Variants in LPCAT2 observed in about 807,000 individuals in gnomAD.
LPCAT2 encodes lysophosphatidylcholine acyltransferase 2.
A neutral mutation model predicts 64.7 loss-of-function variants in LPCAT2; 58 were observed. The observed-to-expected ratio is 0.90, with a 90% CI of 0.73 to 1.12. LPCAT2 has a LOEUF of 1.12. Ranked by LOEUF, LPCAT2 falls within the 50% of genes most tolerant of loss-of-function variation. The pLI, the probability that LPCAT2 is intolerant of heterozygous loss-of-function variation, is 0.00. For synonymous variants in LPCAT2, 252 were observed against 245.3 expected, an observed-to-expected ratio of 1.03 and a Z score of -0.26; for missense variants, 579 against 669.8, an observed-to-expected ratio of 0.86 and a Z score of 1.50.
At chr16:55,513,427 A>G (rs772806945) in intron 1 of LPCAT2, among the ~76,000 whole-genome samples, 1 of 152,174 alleles carries the variant, frequency 6.6e-6, no homozygotes, top group Non-Finnish European at 1.5e-5. Flanking sequence ...CAGTCTAAAA[A>G]GCAGAATGAA....
At chr16:55,559,318 G>A (rs1963609557) in intron 11 of LPCAT2, among the ~76,000 whole-genome samples, 1 of 152,182 alleles carries the variant, frequency 6.6e-6, no homozygotes, top group Non-Finnish European at 1.5e-5. Context: ...AAAAGTTTGT[G>A]TATACTTTAG....
chr16:55,567,994 T>A (rs1486899014), intron 11 of LPCAT2, among the ~76,000 whole-genome samples: 1 of 152,138 alleles, frequency 6.6e-6, no homozygotes, highest in African/African-American at 2.4e-5. Context: ...TCCCATTATG[T>A]AAAAAAATGA....
chr16:55,560,933 T>C (rs1163137443), intron 11 of LPCAT2, among the ~76,000 whole-genome samples: 1 of 152,078 alleles, frequency 6.6e-6, no homozygotes, highest in East Asian at 1.9e-4. Context: ...AACATTCCCA[T>C]CACCCCAGTA....
chr16:55,540,517 A>T (rs1188085244), intron 8 of LPCAT2: 5 of 152,214 alleles, frequency 3.3e-5, no homozygotes, highest in African/African-American at 4.8e-5. Context: ...CATGAGAGAG[A>T]ATACATGCTA....
intron 2 of LPCAT2, among the ~76,000 whole-genome samples, chr16:55,526,954 T>C (rs1021497675): frequency 2.0e-5 from 3 of 152,044 alleles, no homozygotes; most frequent in African/African-American, 7.2e-5. Context: ...GCTCAGAATA[T>C]GGGATAAATA....
intron 10 of LPCAT2, among the ~76,000 whole-genome samples, chr16:55,550,242 T>A (rs1423110478): frequency 6.6e-6 from 1 of 152,222 alleles, no homozygotes; most frequent in Non-Finnish European, 1.5e-5. Flanking sequence ...ATATGTTAGG[T>A]CATTAGTTTA....
At chr16:55,567,594 C>T in intron 11 of LPCAT2, 1 of 1,293,256 alleles carries the variant, frequency 7.7e-7, no homozygotes, top group Non-Finnish European at 1.1e-6. Flanking sequence ...TGTGCAACAG[C>T]TCTCATTTCC....
intron 7 of LPCAT2, among the ~76,000 whole-genome samples, chr16:55,535,500 G>T (rs549556869): frequency 4.1e-4 from 62 of 152,118 alleles, no homozygotes; most frequent in Non-Finnish European, 6.6e-4. Context: ...GATAATTGAA[G>T]ATACACAAAT....
chr16:55,574,641 G>T lies in LPCAT2; in HGVS notation c.1226G>T (p.Gly409Val). ...LFALFDRNHDGSIDFREYVIG... is the reference protein window; with the variant it reads ...LFALFDRNHDVSIDFREYVIG... ...CCCATCCTTTCACAGAACCATGATGGCAGCATTGACTTCCGAGAGTATGTG... is the reference window on the plus strand; with the variant it reads ...CCCATCCTTTCACAGAACCATGATGTCAGCATTGACTTCCGAGAGTATGTG... The change falls in exon 12 of 14, where the codon GGC becomes GTC. Residue 409 changes from glycine (G) to valine (V), a missense_variant. By Grantham distance (109) the Gly-to-Val change is moderately radical. Coordinates refer to ENST00000262134, the MANE Select transcript of LPCAT2 (RefSeq NM_017839.5). 1 of 1,612,346 alleles carries T rather than the reference G, an allele frequency of 6.2e-7. No homozygotes were observed. Among genetic ancestry groups the T allele is most frequent in the Non-Finnish European group, 8.5e-7 (1 of 1,178,630 alleles).
In LPCAT2 at chr16:55,583,081, G is replaced by A. The variant is rs560274666; in HGVS notation, c.1618G>A (p.Asp540Asn). The A allele has an allele frequency of 1.2e-5, 19 of 1,610,142 alleles. No homozygotes were observed. The highest frequency in any genetic ancestry group is 1.6e-5 in the Non-Finnish European group (19 of 1,178,288). The stretch of plus-strand genomic sequence containing the variant: ...TGAAAAGCATGAAGAGAGTACCTCA[G>A]ACAAAAAAGATGACTGAAAGCAGTA... ...SPEKHEESTS[D>N]KKDD is the part of the protein sequence containing the mutation. The change falls in exon 14 of 14, where the codon GAC becomes AAC. Residue 540 changes from aspartate to asparagine, a missense_variant. Transcript: ENST00000262134.
chr16:55,537,905 T>C (rs560470119), intron 8 of LPCAT2, among the ~76,000 whole-genome samples: 1 of 152,310 alleles, frequency 6.6e-6, no homozygotes, highest in Admixed American at 6.5e-5. Context: ...TCTGCCAAAT[T>C]GAATGATATA....
At chr16:55,534,677 C>A (rs546154437) in intron 7 of LPCAT2, among the ~76,000 whole-genome samples, 200 bp downstream of exon 7, 10 of 152,270 alleles carry the variant, frequency 6.6e-5, no homozygotes, top group African/African-American at 2.2e-4. Flanking sequence ...CCACTAACCC[C>A]TGGAGTCTTC....
chr16:55,555,663 C>G (rs189305182), intron 11 of LPCAT2, among the ~76,000 whole-genome samples: 2 of 152,126 alleles, frequency 1.3e-5, no homozygotes, highest in Non-Finnish European at 2.9e-5. Flanking sequence ...GTTAAGCAAC[C>G]TTCTTTTAGG....
intron 2 of LPCAT2, among the ~76,000 whole-genome samples, chr16:55,526,514 T>G (rs1963172590): frequency 6.6e-6 from 1 of 152,176 alleles, no homozygotes; most frequent in Admixed American, 6.5e-5. Context: ...TTCTAGAAAC[T>G]TTTAAAGAAA....
rs1222443794 is a variant in LPCAT2 at position 55,585,916 on chromosome 16, C to G, written c.*2818C>G. ...TAATTGAAGGCCACTAATTGATGCTCAAATAGAAGGATATTGACTATATTG... is the reference window on the plus strand; with the variant it reads ...TAATTGAAGGCCACTAATTGATGCTGAAATAGAAGGATATTGACTATATTG... On this transcript the variant is annotated 3_prime_UTR_variant, in exon 14 of 14. Transcript: ENST00000262134. 6.6e-6 allele frequency: 1 copy of G among 152,106 alleles called. No homozygotes were observed. Among genetic ancestry groups the G allele is most frequent in the East Asian group, 1.9e-4 (1 of 5,174 alleles). 9.4% of individuals were successfully genotyped at this position (152,106 alleles called of 1,614,324 possible).
chr16:55,558,079 A>G (rs1963597159), intron 11 of LPCAT2, among the ~76,000 whole-genome samples: 1 of 152,298 alleles, frequency 6.6e-6, no homozygotes, highest in South Asian at 2.1e-4. Context: ...CTTGTTCTTA[A>G]CTCTCTGCTT....
chr16:55,529,026 G>GC (rs1778192342), intron 3 of LPCAT2, among the ~76,000 whole-genome samples: 1 of 152,076 alleles, frequency 6.6e-6, no homozygotes, highest in South Asian at 2.1e-4. Flanking sequence ...CTTCATTATT[G>GC]CCCCCCAAAT....
rs191494448 is a variant in LPCAT2, at chr16:55,559,043, G to A, written c.1215+7941G>A. 3.2e-4 allele frequency among the ~76,000 whole-genome samples: 49 copies of A among 152,234 alleles called. No homozygotes were observed. The East Asian group carries it at 7.3e-3, about 23-fold the overall frequency. On this transcript the variant is annotated intron_variant, in intron 11 of 13. Transcript: ENST00000262134. ...TCCTCCCATAGTTGTAAGTAGTGGT[G>A]TATCATTCATCTTCACAGATGAAAG... is the stretch of plus-strand genomic sequence containing the variant.
intron 13 of LPCAT2, among the ~76,000 whole-genome samples, chr16:55,581,691 G>A (rs1309626177): frequency 6.6e-6 from 1 of 152,130 alleles, no homozygotes; most frequent in African/African-American, 2.4e-5. Flanking sequence ...TTATTATAGA[G>A]CCAAATGGCA....
Sources: allele counts gnomAD v4.1 joint callset (sites outside exome capture counted in the v4.1 genomes callset), GRCh38; gene constraint gnomAD v4.1.1; transcripts MANE v1.5; gene names NCBI Gene and HGNC (gene_info 2026-07-23, HGNC 2026-07-21).